Variants in CIAPIN1 observed in about 807,000 individuals in gnomAD.
The protein encoded by CIAPIN1 is cytokine induced apoptosis inhibitor 1.
In CIAPIN1, 18 loss-of-function variants were observed where a neutral mutation model predicts 34.3. That is an observed-to-expected ratio of 0.52 (90% CI 0.36 to 0.78). CIAPIN1 has a LOEUF of 0.78. CIAPIN1 is among the 30% of genes least tolerant of loss of function. The probability of loss-of-function intolerance (pLI) is 0.00; values close to 1 mark genes in which losing one functional copy is unlikely to be tolerated. For synonymous variants in CIAPIN1, 131 were observed against 140.4 expected (o/e 0.93, Z 0.47); for missense variants, 310 against 372.5 (o/e 0.83, Z 1.38).
intron 1 of CIAPIN1, among the ~76,000 whole-genome samples, chr16:57,444,886 A>G (rs1181039860): frequency 6.6e-6 from 1 of 152,210 alleles, no homozygotes. Flanking sequence ...GTGAGTCAGG[A>G]CCCAGTTTCA....
chr16:57,428,981 T>C lies in CIAPIN1; in HGVS notation c.*189A>G. On this transcript the variant is annotated 3_prime_UTR_variant, in exon 9 of 9. Coordinates refer to ENST00000394391, the MANE Select transcript of CIAPIN1 (RefSeq NM_020313.4). ...GAAACCAGGTCCCATAATACCTTGG[T>C]CTTTTGATACACAGCAGCACTACAC... 1 of 542,568 alleles carries C rather than the reference T, an allele frequency of 1.8e-6. No individual in the cohort carries two copies. Among genetic ancestry groups the C allele is most frequent in the South Asian group, 2.4e-5 (1 of 41,428 alleles). The allele number at this position is 542,568 out of a possible 1,614,324, so 33.6% of individuals were successfully genotyped here.
chr16:57,436,618 A>C, intron 4 of CIAPIN1, 38 bp downstream of exon 4: 1 of 1,469,098 alleles, frequency 6.8e-7, no homozygotes, highest in East Asian at 2.3e-5. Flanking sequence ...TGATTACCTC[A>C]CCTGCAGGGC....
At chr16:57,439,481 T>C in intron 2 of CIAPIN1, 147 bp from the exon 3 acceptor site, 1 of 753,970 alleles carries the variant, frequency 1.3e-6, no homozygotes, top group Non-Finnish European at 2.1e-6. Context: ...GAATAGTAAG[T>C]GTTTTAAAAA....
chr16:57,444,734 AATATTCTTTT>A (rs753825188), intron 1 of CIAPIN1, among the ~76,000 whole-genome samples: 1 of 152,234 alleles, frequency 6.6e-6, no homozygotes, highest in Non-Finnish European at 1.5e-5. Context: ...AATAGGAGAT[AATATTCTTTT>A]AAATATCTAA....
In CIAPIN1 at chr16:57,431,150, C is replaced by T; in HGVS notation, c.746+1G>A. The T allele has an allele frequency of 1.2e-6, 2 of 1,603,728 alleles. No individual in the cohort carries two copies. Among genetic ancestry groups the T allele is most frequent in the Non-Finnish European group, 8.5e-7 (1 of 1,171,458 alleles). On this transcript the variant is annotated splice_donor_variant, in intron 7 of 8. Coordinates refer to ENST00000394391, the MANE Select transcript of CIAPIN1 (RefSeq NM_020313.4). LOFTEE classifies it high-confidence loss of function. ...CAGGCTCCAGTCACCCCAGCACTCA[C>T]CAGTTCTTACAGGCCTTCCTCTTTT...
chr16:57,437,087 A>C (rs1903219187), intron 3 of CIAPIN1, among the ~76,000 whole-genome samples: 1 of 152,190 alleles, frequency 6.6e-6, no homozygotes. Context: ...AGATTGCACC[A>C]CTGCACTCTT....
intron 4 of CIAPIN1, among the ~76,000 whole-genome samples, chr16:57,435,991 C>G (rs1903190010): frequency 6.6e-6 from 1 of 152,172 alleles, no homozygotes; most frequent in Non-Finnish European, 1.5e-5. Flanking sequence ...GAACTTTGCC[C>G]TCTAACCTAT....
intron 8 of CIAPIN1, among the ~76,000 whole-genome samples, chr16:57,429,732 T>C (rs1255334594): frequency 2.6e-5 from 4 of 151,556 alleles, no homozygotes; most frequent in Non-Finnish European, 5.9e-5. Context: ...GACCTCGTGA[T>C]CCGCCCTCCT....
intron 3 of CIAPIN1, among the ~76,000 whole-genome samples, chr16:57,437,080 T>A (rs1378123232): frequency 6.6e-6 from 1 of 152,120 alleles, no homozygotes. Flanking sequence ...TGAGCCGAGA[T>A]TGCACCACTG....
rs1325405931 is a variant in CIAPIN1 at position 57,429,330 on chromosome 16, C to G, written c.829-50G>C. On this transcript the variant is annotated intron_variant, in intron 8 of 8. Transcript: ENST00000394391. ...AAGGGTCAGCTTATCCCAGGCATAC[C>G]AGCCAGAAGAAAGAAATGCCTAATT... 3.1e-6 allele frequency: 4 copies of G among 1,279,360 alleles called. No individual in the cohort carries two copies. The Admixed American group carries it at 5.2e-5, about 17-fold the overall frequency. The allele number at this position is 1,279,360 out of a possible 1,614,324, so 79.3% of individuals were successfully genotyped here.
At chr16:57,439,136 A>C (rs1015309125) in intron 3 of CIAPIN1, 46 bp downstream of exon 3, 9 of 1,605,394 alleles carry the variant, frequency 5.6e-6, no homozygotes, top group Non-Finnish European at 7.7e-6. Context: ...ACATACTCTA[A>C]GACTCAACCC....
intron 1 of CIAPIN1, among the ~76,000 whole-genome samples, chr16:57,444,083 C>T (rs2029955676): frequency 1.3e-5 from 2 of 152,152 alleles, no homozygotes; most frequent in Admixed American, 6.5e-5. Context: ...CAAAAGCTTA[C>T]TTATTAGCTA....
At chr16:57,434,452 C>T (rs1226387107) in intron 4 of CIAPIN1, among the ~76,000 whole-genome samples, 1 of 152,172 alleles carries the variant, frequency 6.6e-6, no homozygotes, top group Non-Finnish European at 1.5e-5. Flanking sequence ...ACTTAAAAAA[C>T]ATTAGGGATG....
At chr16:57,434,001 C>T in intron 5 of CIAPIN1, 43 bp downstream of exon 5, 1 of 1,565,414 alleles carries the variant, frequency 6.4e-7, no homozygotes, top group Non-Finnish European at 8.8e-7. Flanking sequence ...ACATGTCCCT[C>T]TAAGCCCATT....
At chr16:57,441,847 C>G (rs1198278460) in intron 1 of CIAPIN1, among the ~76,000 whole-genome samples, 1 of 152,196 alleles carries the variant, frequency 6.6e-6, no homozygotes, top group Non-Finnish European at 1.5e-5. Flanking sequence ...TTTCTCCTTT[C>G]TTTCTTAAAC....
chr16:57,435,337 G>A (rs144930400), intron 4 of CIAPIN1, among the ~76,000 whole-genome samples: 2 of 152,322 alleles, frequency 1.3e-5, no homozygotes, highest in African/African-American at 4.8e-5. Context: ...CTGCAGAACA[G>A]TGAGCCAATT....
At chr16:57,437,398 A>T (rs929347360) in intron 3 of CIAPIN1, among the ~76,000 whole-genome samples, 4 of 152,174 alleles carry the variant, frequency 2.6e-5, no homozygotes, top group Admixed American at 2.6e-4. Context: ...TAACCTAAGC[A>T]ATTGTGTTTA....
intron 8 of CIAPIN1, among the ~76,000 whole-genome samples, chr16:57,429,758 C>T (rs866661636): frequency 1.4e-5 from 2 of 147,978 alleles, no homozygotes; most frequent in Admixed American, 6.9e-5. Flanking sequence ...TCCCAAAGTG[C>T]TGGGATTACA....
chr16:57,439,587 G>C (rs1462344134), intron 2 of CIAPIN1, among the ~76,000 whole-genome samples: 1 of 152,238 alleles, frequency 6.6e-6, no homozygotes, highest in Non-Finnish European at 1.5e-5. Context: ...CAAACGGAGG[G>C]ACCGGCTGAA....
Sources: gnomAD v4.1 joint callset for allele counts (sites outside exome capture counted in the v4.1 genomes callset) on GRCh38, gnomAD v4.1.1 for gene constraint, MANE v1.5 for transcripts, NCBI Gene and HGNC (gene_info 2026-07-23, HGNC 2026-07-21) for gene names.